Variants in PCM1 observed in about 807,000 individuals in gnomAD.
PCM1 encodes the protein pericentriolar material 1 protein.
PCM1 carries 157 observed loss-of-function variants against 241.9 expected under a neutral mutation model. That is an observed-to-expected ratio of 0.65 (90% CI 0.57 to 0.74). The LOEUF (loss-of-function observed/expected upper bound fraction) is 0.74, where lower values mean the gene tolerates loss of function less well. Ranked by LOEUF, PCM1 falls within the 30% of genes least tolerant of loss-of-function variation. The probability of loss-of-function intolerance (pLI) is 0.00; values close to 1 mark genes in which losing one functional copy is unlikely to be tolerated. For missense variants in PCM1, 3,478 were observed against 2,360.1 expected (o/e 1.47, Z -9.81); for synonymous variants, 1,085 against 784.9 (o/e 1.38, Z -6.39).
At chr8:17,969,462 GT>G (rs983159566) in intron 21 of PCM1, 114 bp from the exon 22 acceptor site, 5 of 758,176 alleles carry the variant, frequency 6.6e-6, no homozygotes, top group Non-Finnish European at 8.4e-6. Context: ...TTAATTAACA[GT>G]TTTTTGTTTT....
Position 17,989,918 on chromosome 8 carries a change from T to C in PCM1, c.4470T>C (p.Ala1490=), listed in dbSNP as rs1368424948. Residue 1490 remains alanine (A), a synonymous_variant, in exon 27 of 39, where the codon GCT becomes GCC. Transcript: ENST00000325083. ...ATAAAATAAGTGAGCAAAATGATGC[T>C]GATAATGCTAGTGTCCTGTCTGTAT... ...ETHKISEQND[A]DNASVLSVSS... 10 of 1,546,746 alleles carry C rather than the reference T, an allele frequency of 6.5e-6. No individual in the cohort carries two copies. The East Asian group carries it at 2.2e-4, about 34-fold the overall frequency.
chr8:17,956,376 TAC>T (rs1341796833), intron 10 of PCM1, among the ~76,000 whole-genome samples: 1 of 152,184 alleles, frequency 6.6e-6, no homozygotes, highest in Non-Finnish European at 1.5e-5. Context: ...TTGGTTTTCT[TAC>T]ACTTTTGTCC....
chr8:17,934,060 G>A (rs1011908875), intron 2 of PCM1, among the ~76,000 whole-genome samples: 1 of 151,676 alleles, frequency 6.6e-6, no homozygotes, highest in Non-Finnish European at 1.5e-5. Flanking sequence ...TTTATTTTGA[G>A]ATAAAATTTA....
At chr8:18,022,956 G>T (rs2093876178) in intron 36 of PCM1, among the ~76,000 whole-genome samples, 1 of 152,094 alleles carries the variant, frequency 6.6e-6, no homozygotes, top group Non-Finnish European at 1.5e-5. Flanking sequence ...TCCTTATTTG[G>T]CGATGGTACC....
intron 21 of PCM1, among the ~76,000 whole-genome samples, chr8:17,969,138 C>CG (rs2076039587): frequency 6.6e-6 from 1 of 151,950 alleles, no homozygotes; most frequent in Admixed American, 6.6e-5. Context: ...ACAACATAAG[C>CG]GTAGGAGTCA....
chr8:17,930,033 C>T (rs533408708), intron 2 of PCM1, among the ~76,000 whole-genome samples: 19 of 151,966 alleles, frequency 1.3e-4, no homozygotes, highest in African/African-American at 4.3e-4. Context: ...TCCTATTGAT[C>T]CTGCACAGCA....
chr8:17,980,369 A>G (rs1587688627), intron 23 of PCM1: 1 of 380,676 alleles, frequency 2.6e-6, no homozygotes, highest in East Asian at 3.9e-5. Flanking sequence ...TAAGATGAGT[A>G]TCAAAGAACA....
At chr8:17,930,143 G>A (rs891241944) in intron 2 of PCM1, among the ~76,000 whole-genome samples, 9 of 126,246 alleles carry the variant, frequency 7.1e-5, no homozygotes, top group African/African-American at 2.1e-4. Context: ...TCGCTCTTCC[G>A]CCCAGGCCGG....
At chr8:17,924,392 G>T (rs1022704216) in intron 1 of PCM1, among the ~76,000 whole-genome samples, 1 of 152,190 alleles carries the variant, frequency 6.6e-6, no homozygotes, top group Admixed American at 6.5e-5. Context: ...CAGGAAGCTC[G>T]ATCAATCAGA....
chr8:17,954,685 G>A (rs555321461), intron 9 of PCM1, among the ~76,000 whole-genome samples: 1 of 152,256 alleles, frequency 6.6e-6, no homozygotes, highest in East Asian at 1.9e-4. Flanking sequence ...TGGTTCCTTT[G>A]AGAAAGATAC....
chr8:17,965,038 C>G (rs551802578), intron 18 of PCM1, among the ~76,000 whole-genome samples: 23 of 152,300 alleles, frequency 1.5e-4, no homozygotes, highest in Admixed American at 1.1e-3. Flanking sequence ...GGAGTTCTTA[C>G]AATCCCCTTC....
At chr8:18,011,964 T>TA in intron 34 of PCM1, 137 bp downstream of exon 34, 1 of 754,926 alleles carries the variant, frequency 1.3e-6, no homozygotes, top group South Asian at 2.0e-5. Context: ...TTAATATGCT[T>TA]ATTAAAATCT....
At chr8:17,983,328 A>AT in intron 24 of PCM1, 4 of 1,218,340 alleles carry the variant, frequency 3.3e-6, no homozygotes, top group African/African-American at 1.5e-5. Flanking sequence ...CTTTTTGTTA[A>AT]TTTTTTCCCA....
chr8:18,014,472 G>C lies in PCM1; in HGVS notation c.5585-112G>C, dbSNP rs536316803. The C allele has an allele frequency of 8.8e-6, 7 of 796,852 alleles. No individual in the cohort carries two copies. The East Asian group carries it at 2.1e-4, about 24-fold the overall frequency. The allele number at this position is 796,852 out of a possible 1,614,324, so 49.4% of individuals were successfully genotyped here. The stretch of plus-strand genomic sequence containing the variant: ...AAATTTGTAGTTGCCTTTTCTTTTT[G>C]GTCTTAAATATCTTGATTGCTCTTA... On this transcript the variant is annotated intron_variant, in intron 35 of 38. Coordinates refer to ENST00000325083, the MANE Select transcript of PCM1 (RefSeq NM_006197.4).
chr8:17,955,072 T>C (rs1355991392), intron 9 of PCM1, among the ~76,000 whole-genome samples: 1 of 152,136 alleles, frequency 6.6e-6, no homozygotes, highest in Non-Finnish European at 1.5e-5. Context: ...TGATTCATAG[T>C]GGCCCTGTTT....
rs1011901079 is a variant in PCM1, at chr8:17,935,447, T to C, written c.-22-142T>C. 18 of 573,942 alleles carry C rather than the reference T, an allele frequency of 3.1e-5. No individual in the cohort carries two copies. The African/African-American group carries it at 3.2e-4, about 10-fold the overall frequency. 35.6% of individuals were successfully genotyped at this position (573,942 alleles called of 1,614,324 possible). A position where few individuals can be genotyped will look rare whatever the true frequency, so the allele number is the denominator to read the frequency against. ...TGCCTGTCACAGCTAAATCAATTTGTCTGTGATGTGGTTGACAGTGCCTCA... is the reference window on the plus strand; with the variant it reads ...TGCCTGTCACAGCTAAATCAATTTGCCTGTGATGTGGTTGACAGTGCCTCA... On this transcript the variant is annotated intron_variant, in intron 2 of 38. Transcript: ENST00000325083.
At chr8:18,016,421 C>T (rs1396241441) in intron 36 of PCM1, among the ~76,000 whole-genome samples, 3 of 109,326 alleles carry the variant, frequency 2.7e-5, no homozygotes, top group East Asian at 2.5e-4. Context: ...GAAATGGTTA[C>T]ACTTTACCAG....
At chr8:18,013,516 C>T (rs1272874816) in intron 34 of PCM1, among the ~76,000 whole-genome samples, 1 of 152,168 alleles carries the variant, frequency 6.6e-6, no homozygotes, top group Non-Finnish European at 1.5e-5. Flanking sequence ...CTACCACCAC[C>T]GTTTCATCTC....
chr8:17,944,376 A>G (rs1315016920), intron 6 of PCM1, among the ~76,000 whole-genome samples: 1 of 152,148 alleles, frequency 6.6e-6, no homozygotes, highest in African/African-American at 2.4e-5. Context: ...CAACCTTCAC[A>G]TGAAGAAATT....
Sources: gnomAD v4.1 joint callset for allele counts (sites outside exome capture counted in the v4.1 genomes callset) on GRCh38, gnomAD v4.1.1 for gene constraint, MANE v1.5 for transcripts, NCBI Gene and HGNC (gene_info 2026-07-23, HGNC 2026-07-21) for gene names.